The following NAT1 variants were observed in gnomAD, a reference collection of about 807,000 sequenced individuals.
The protein encoded by NAT1 is arylamine N-acetyltransferase 1.
For missense variants in NAT1, 400 were observed against 339.2 expected (o/e 1.18, Z -1.41); for synonymous variants, 144 against 122.6 (o/e 1.17, Z -1.16).
chr8:18,217,446 C>T (rs942913629), intron 1 of NAT1, among the ~76,000 whole-genome samples: 3 of 152,196 alleles, frequency 2.0e-5, no homozygotes, highest in African/African-American at 7.2e-5. Context: ...AGATGCTGTG[C>T]CTGGACAAAG....
chr8:18,221,363 T>C (rs8190853), intron 2 of NAT1, among the ~76,000 whole-genome samples: 2,660 of 151,576 alleles, frequency 0.018, 47 homozygotes, highest in Middle Eastern at 0.086. Flanking sequence ...TCTCCCTCTG[T>C]ACTTACTGGG....
chr8:18,202,546 A>C (rs12544213), intron 2 of NAT1, among the ~76,000 whole-genome samples: 67,863 of 151,860 alleles, frequency 0.45, 17,096 homozygotes, highest in Non-Finnish European at 0.55. Flanking sequence ...CCAGATGTTC[A>C]GATGTGGCCT....
intron 1 of NAT1, chr8:18,216,775 A>G (rs1804715801): frequency 1.5e-6 from 1 of 648,618 alleles, no homozygotes; most frequent in East Asian, 2.9e-5. Flanking sequence ...CAGTTGACAG[A>G]CAGATACTGG....
intron 2 of NAT1, among the ~76,000 whole-genome samples, chr8:18,183,152 G>T (rs1257108222): frequency 1.3e-5 from 2 of 152,146 alleles, no homozygotes; most frequent in Admixed American, 6.6e-5. Flanking sequence ...GACTCCTCAT[G>T]TGGTGGAAGG....
intron 2 of NAT1, among the ~76,000 whole-genome samples, chr8:18,185,174 AT>A (rs1802685078): frequency 6.6e-6 from 1 of 152,184 alleles, no homozygotes; most frequent in South Asian, 2.1e-4. Flanking sequence ...GATTAACTTC[AT>A]AAAAGAAGTT....
chr8:18,192,690 G>C (rs1457299957), intron 2 of NAT1, among the ~76,000 whole-genome samples: 3 of 152,090 alleles, frequency 2.0e-5, no homozygotes, highest in Non-Finnish European at 4.4e-5. Context: ...GTCCTTTGTA[G>C]GGACATGGAT....
intron 2 of NAT1, among the ~76,000 whole-genome samples, chr8:18,188,994 CAAAA>C (rs55636901): frequency 7.2e-5 from 6 of 83,118 alleles, no homozygotes; most frequent in African/African-American, 2.0e-4. Flanking sequence ...GACTCCGACT[CAAAA>C]AAAAAAAAAA....
intron 2 of NAT1, among the ~76,000 whole-genome samples, chr8:18,174,344 C>G (rs910925551): frequency 6.6e-6 from 1 of 152,080 alleles, no homozygotes. Context: ...GAAGATTAAA[C>G]ACATCATTAT....
chr8:18,184,828 T>A (rs1341955530), intron 2 of NAT1, among the ~76,000 whole-genome samples: 2 of 152,188 alleles, frequency 1.3e-5, no homozygotes, highest in African/African-American at 4.8e-5. Context: ...TGCATTCTAC[T>A]TCCCTCTAGA....
chr8:18,171,120 C>G (rs544478508), intron 2 of NAT1, among the ~76,000 whole-genome samples: 3 of 152,128 alleles, frequency 2.0e-5, no homozygotes, highest in Non-Finnish European at 2.9e-5. Context: ...ATGACAGAAA[C>G]AGGACCCAGT....
At chr8:18,216,559 C>A (rs148394901) in intron 1 of NAT1, among the ~76,000 whole-genome samples, 225 of 152,150 alleles carry the variant, frequency 1.5e-3, no homozygotes, top group African/African-American at 5.2e-3. Flanking sequence ...TCAATAAGAC[C>A]CATCTGTATA....
chr8:18,216,212 T>C (rs1589116891), intron 1 of NAT1, among the ~76,000 whole-genome samples: 1 of 152,270 alleles, frequency 6.6e-6, no homozygotes, highest in South Asian at 2.1e-4. Context: ...GTGTCTAATT[T>C]TGAGTGACCT....
intron 1 of NAT1, among the ~76,000 whole-genome samples, chr8:18,215,422 G>T (rs1804550799): frequency 6.6e-6 from 1 of 152,168 alleles, no homozygotes; most frequent in Non-Finnish European, 1.5e-5. Flanking sequence ...TAAGCAATGT[G>T]ATACGATATT....
At chr8:18,195,801 C>A (rs1209222048) in intron 2 of NAT1, among the ~76,000 whole-genome samples, 2 of 152,086 alleles carry the variant, frequency 1.3e-5, no homozygotes, top group African/African-American at 4.8e-5. Flanking sequence ...GGTTCACTTT[C>A]AAAGTCGTGT....
chr8:18,215,161 T>C (rs1354433021), intron 1 of NAT1, among the ~76,000 whole-genome samples: 1 of 152,236 alleles, frequency 6.6e-6, no homozygotes, highest in Admixed American at 6.5e-5. Context: ...CGTGGCTGCA[T>C]AGTATTCCAT....
At chr8:18,219,905 A>G (rs953588161) in intron 2 of NAT1, among the ~76,000 whole-genome samples, 3 of 152,222 alleles carry the variant, frequency 2.0e-5, no homozygotes, top group African/African-American at 7.2e-5. Flanking sequence ...AGGGTACAAG[A>G]GGCAAAAAAA....
intron 1 of NAT1, chr8:18,212,103 A>G (rs1317758546): frequency 6.6e-6 from 1 of 152,246 alleles, no homozygotes; most frequent in Non-Finnish European, 1.5e-5. Flanking sequence ...AAAGAAAAAG[A>G]AAACCACTGC....
At chr8:18,200,720 G>A (rs994008763) in intron 2 of NAT1, among the ~76,000 whole-genome samples, 8 of 152,002 alleles carry the variant, frequency 5.3e-5, no homozygotes, top group Admixed American at 2.0e-4. Flanking sequence ...ACCACTGTAC[G>A]GGATTGATTA....
At chr8:18,173,716 A>G (rs902243701) in intron 2 of NAT1, among the ~76,000 whole-genome samples, 1 of 152,132 alleles carries the variant, frequency 6.6e-6, no homozygotes, top group Non-Finnish European at 1.5e-5. Flanking sequence ...TATGTACCTC[A>G]TAGATTTGTT....
Sources: gnomAD v4.1 joint callset for allele counts (sites outside exome capture counted in the v4.1 genomes callset) on GRCh38, gnomAD v4.1.1 for gene constraint, MANE v1.5 for transcripts, NCBI Gene and HGNC (gene_info 2026-07-23, HGNC 2026-07-21) for gene names.